The following DAB1 variants were observed in gnomAD, a reference collection of about 807,000 sequenced individuals.
DAB1 encodes disabled homolog 1.
DAB1 carries 15 observed loss-of-function variants against 64.6 expected under a neutral mutation model. The ratio of observed to expected loss-of-function variants is 0.23; its 90% CI spans 0.16 to 0.36. The LOEUF is 0.36. Ranked by LOEUF, DAB1 falls within the 10% of genes least tolerant of loss-of-function variation. DAB1 has a pLI of 1.00. For missense variants in DAB1, 596 were observed against 706.7 expected (o/e 0.84, Z 1.78); for synonymous variants, 235 against 251.9 (o/e 0.93, Z 0.64).
At chr1:57,056,496 G>A (rs1415178213) in intron 9 of DAB1, among the ~76,000 whole-genome samples, 30 of 134,028 alleles carry the variant, frequency 2.2e-4, no homozygotes, top group African/African-American at 8.1e-4. Context: ...CAGAGTAAGA[G>A]CCTGTCTCAA....
chr1:57,963,936 G>A (rs1645590084), intron 5 of DAB1, among the ~76,000 whole-genome samples: 1 of 152,140 alleles, frequency 6.6e-6, no homozygotes, highest in East Asian at 1.9e-4. Flanking sequence ...ATATAATTTT[G>A]TTGTTGTTTG....
intron 3 of DAB1, among the ~76,000 whole-genome samples, chr1:58,451,920 C>CTT (rs34824870): frequency 0.044 from 6,007 of 137,930 alleles, 336 homozygotes; most frequent in African/African-American, 0.13. Flanking sequence ...TTTTTCTTTC[C>CTT]TTTTTTTTTT....
intron 4 of DAB1, among the ~76,000 whole-genome samples, chr1:58,215,828 G>A (rs1658821339): frequency 6.6e-6 from 1 of 152,096 alleles, no homozygotes. Flanking sequence ...ACTGGAGTGG[G>A]GCTCTGAACT....
rs367577834 is a variant in DAB1 at position 57,149,624 on chromosome 1, C to T, written c.68-4195G>A. Among the ~76,000 whole-genome samples, 180 of 152,200 alleles carry T rather than the reference C, an allele frequency of 1.2e-3. 1 individual carries two copies. Among genetic ancestry groups the T allele is most frequent in the South Asian group, 7.3e-3 (35 of 4,818 alleles). On this transcript the variant is annotated intron_variant, in intron 2 of 14. Transcript: ENST00000371236. Reference sequence around the variant, plus strand: ...TTTTCATGTGCCTATTGTTCATTTGCATATCTTCTTTGGAGAAATATCTAT... The same window carrying T: ...TTTTCATGTGCCTATTGTTCATTTGTATATCTTCTTTGGAGAAATATCTAT...
At chr1:57,670,985 T>C (rs1229696133) in intron 6 of DAB1, among the ~76,000 whole-genome samples, 2 of 152,148 alleles carry the variant, frequency 1.3e-5, no homozygotes, top group African/African-American at 2.4e-5. Context: ...CTCTAGATCA[T>C]TTATAATACC....
chr1:58,128,405 A>T (rs1570391250), intron 5 of DAB1, among the ~76,000 whole-genome samples: 2 of 139,272 alleles, frequency 1.4e-5, no homozygotes, highest in Non-Finnish European at 3.1e-5. Flanking sequence ...TCGTCTGCAA[A>T]CAGGGACAAT....
chr1:58,172,070 C>T (rs144166615), intron 4 of DAB1, among the ~76,000 whole-genome samples: 1,682 of 152,274 alleles, frequency 0.011, 13 homozygotes, highest in Non-Finnish European at 0.017. Context: ...GATAGCCAGG[C>T]CCCTTTATAC....
At chr1:57,591,509 G>A (rs1645445499) in intron 7 of DAB1, among the ~76,000 whole-genome samples, 1 of 152,190 alleles carries the variant, frequency 6.6e-6, no homozygotes, top group Non-Finnish European at 1.5e-5. Flanking sequence ...ACTGGGGTCA[G>A]TGTATCCTAG....
chr1:58,127,662 T>C (rs904911298), intron 5 of DAB1, among the ~76,000 whole-genome samples: 4 of 152,254 alleles, frequency 2.6e-5, no homozygotes, highest in African/African-American at 9.6e-5. Flanking sequence ...GGATCCAGTT[T>C]CAGCTTTCTA....
chr1:57,395,656 A>T (rs1182859829), intron 1 of DAB1, among the ~76,000 whole-genome samples: 1 of 152,200 alleles, frequency 6.6e-6, no homozygotes, highest in Non-Finnish European at 1.5e-5. Context: ...GCTACTGAGC[A>T]TCTGAAATGT....
chr1:58,513,002 AG>A (rs1201925405), intron 2 of DAB1, among the ~76,000 whole-genome samples: 3 of 152,218 alleles, frequency 2.0e-5, no homozygotes, highest in Non-Finnish European at 4.4e-5. Context: ...CTTCAAGAAA[AG>A]TATTATAGAA....
intron 4 of DAB1, among the ~76,000 whole-genome samples, chr1:58,174,756 TAAATGCACCAATCAGCACTCTGCAA>T (rs1184123619): frequency 9.9e-5 from 15 of 152,156 alleles, no homozygotes; most frequent in Non-Finnish European, 1.9e-4. Flanking sequence ...TAAAGGATTG[TAAATGCACCAATCAGCACTCTGCAA>T]AAATGCACCT....
intron 3 of DAB1, among the ~76,000 whole-genome samples, chr1:58,450,561 T>C (rs1018112241): frequency 5.9e-5 from 9 of 152,198 alleles, no homozygotes; most frequent in Admixed American, 4.6e-4. Context: ...GAGACCATCC[T>C]GGCTAACACA....
intron 2 of DAB1, among the ~76,000 whole-genome samples, chr1:57,288,487 A>C (rs970525639): frequency 6.6e-6 from 1 of 152,190 alleles, no homozygotes; most frequent in Non-Finnish European, 1.5e-5. Flanking sequence ...GTGATGGGAA[A>C]GAAGAGAAGG....
At chr1:57,675,093 A>G (rs943798241) in intron 6 of DAB1, among the ~76,000 whole-genome samples, 4 of 152,214 alleles carry the variant, frequency 2.6e-5, no homozygotes, top group Non-Finnish European at 5.9e-5. Flanking sequence ...ATGAAGCAGG[A>G]AGCCCAGAGA....
intron 4 of DAB1, among the ~76,000 whole-genome samples, chr1:57,073,547 T>G (rs1407255235): frequency 1.3e-5 from 2 of 152,144 alleles, no homozygotes; most frequent in Non-Finnish European, 2.9e-5. Context: ...GCTTATATAT[T>G]CATCTGGGTG....
At chr1:58,257,186 G>T (rs1263065765) in intron 4 of DAB1, among the ~76,000 whole-genome samples, 1 of 152,166 alleles carries the variant, frequency 6.6e-6, no homozygotes, top group Non-Finnish European at 1.5e-5. Flanking sequence ...GATATCATCT[G>T]TCCTGACAAT....
At chr1:57,880,872 C>T (rs1644133739) in intron 1 of DAB1, 1 of 152,132 alleles carries the variant, frequency 6.6e-6, no homozygotes, top group African/African-American at 2.4e-5. Context: ...TGAAATTGTA[C>T]ATTTTATATC....
chr1:58,434,419 A>C (rs1644919272), intron 3 of DAB1, among the ~76,000 whole-genome samples: 1 of 151,858 alleles, frequency 6.6e-6, no homozygotes, highest in African/African-American at 2.4e-5. Context: ...AAAGAAAAAA[A>C]AAAAAAGGAT....
Sources: gnomAD v4.1 joint callset for allele counts (sites outside exome capture counted in the v4.1 genomes callset) on GRCh38, gnomAD v4.1.1 for gene constraint, MANE v1.5 for transcripts, NCBI Gene and HGNC (gene_info 2026-07-23, HGNC 2026-07-21) for gene names.